The following KLRG1 variants were observed in gnomAD, a reference collection of about 807,000 sequenced individuals.
The protein encoded by KLRG1 is killer cell lectin like receptor G1.
In KLRG1, 16 loss-of-function variants were observed where a neutral mutation model predicts 21.8. The observed-to-expected ratio is 0.73, with a 90% CI of 0.50 to 1.11. The LOEUF (loss-of-function observed/expected upper bound fraction) is 1.11, where lower values mean the gene tolerates loss of function less well. KLRG1 is among the 50% of genes most tolerant of loss of function. KLRG1 has a pLI of 0.00. For missense variants in KLRG1, 173 were observed against 218.3 expected (o/e 0.79, Z 1.31); for synonymous variants, 69 against 75.9 (o/e 0.91, Z 0.47).
the KLRG1 span, chr12:9,153,451 C>T: frequency 1.3e-6 from 1 of 783,522 alleles, no homozygotes; most frequent in Non-Finnish European, 2.0e-6. Context: ...CTTTTTACCC[C>T]TAAGGTAGAT....
At chr12:9,115,827 TGAA>T in the KLRG1 span, 1 of 1,613,414 alleles carries the variant, frequency 6.2e-7, no homozygotes, top group Non-Finnish European at 8.5e-7. Context: ...CAGACTTGGA[TGAA>T]GGAGTTTGTT....
chr12:8,956,120 C>T (rs1946288390), intron 1 of KLRG1, among the ~76,000 whole-genome samples: 1 of 152,186 alleles, frequency 6.6e-6, no homozygotes, highest in Non-Finnish European at 1.5e-5. Flanking sequence ...AGTGTAACCT[C>T]ATTCTTCTTG....
At chr12:9,203,712 T>C in the KLRG1 span, 104 of 1,585,224 alleles carry the variant, frequency 6.6e-5, no homozygotes, top group East Asian at 2.1e-3. Flanking sequence ...CCATGACCTA[T>C]AGAGCTCAAT....
intron 1 of KLRG1, among the ~76,000 whole-genome samples, chr12:8,957,976 T>G (rs1946322797): frequency 6.6e-6 from 1 of 152,228 alleles, no homozygotes; most frequent in Non-Finnish European, 1.5e-5. Flanking sequence ...GTATTTCTCA[T>G]CTTATTCATT....
At chr12:9,149,077 T>C in the KLRG1 span, 1 of 1,294,804 alleles carries the variant, frequency 7.7e-7, no homozygotes, top group Admixed American at 1.7e-5. Flanking sequence ...AGTGAGCTTA[T>C]GCAGGGTCAG....
At chr12:8,956,170 G>A (rs1249138162) in intron 1 of KLRG1, among the ~76,000 whole-genome samples, 1 of 152,224 alleles carries the variant, frequency 6.6e-6, no homozygotes. Flanking sequence ...AACAGCGGGT[G>A]CAAAAGAACA....
At chr12:9,094,097 A>T in the KLRG1 span, among the ~76,000 whole-genome samples, 12 of 151,978 alleles carry the variant, frequency 7.9e-5, no homozygotes, top group Admixed American at 7.9e-4. Flanking sequence ...GGCCGTGAAG[A>T]GGGGCAGGAA....
intron 1 of KLRG1, among the ~76,000 whole-genome samples, chr12:8,971,989 T>C (rs1309343051): frequency 2.6e-5 from 4 of 152,246 alleles, no homozygotes; most frequent in African/African-American, 9.6e-5. Flanking sequence ...TCCTTTGCAG[T>C]GCAGAAGCTT....
chr12:9,043,347 G>A, the KLRG1 span, among the ~76,000 whole-genome samples: 9 of 152,194 alleles, frequency 5.9e-5, no homozygotes, highest in East Asian at 1.7e-3. Context: ...CAAAGTGTTG[G>A]GATTACAGGC....
the KLRG1 span, chr12:9,079,711 G>A: frequency 6.8e-6 from 11 of 1,613,560 alleles, no homozygotes; most frequent in African/African-American, 1.3e-5. Context: ...AGATAATCCA[G>A]TACATAGATG....
chr12:9,071,256 A>C, the KLRG1 span, among the ~76,000 whole-genome samples: 2 of 152,168 alleles, frequency 1.3e-5, no homozygotes, highest in South Asian at 4.1e-4. Flanking sequence ...ATGAATAATA[A>C]ATTTCAGTCT....
At chr12:9,179,386 A>C in the KLRG1 span, among the ~76,000 whole-genome samples, 1 of 152,190 alleles carries the variant, frequency 6.6e-6, no homozygotes, top group South Asian at 2.1e-4. Context: ...TCCAGCATGT[A>C]GTAAGCTTGA....
chr12:9,132,647 C>A, the KLRG1 span, among the ~76,000 whole-genome samples: 1 of 150,804 alleles, frequency 6.6e-6, no homozygotes, highest in African/African-American at 2.4e-5. Flanking sequence ...AAATGAGGGC[C>A]CAAAGTAAGA....
At chr12:9,091,401 T>C in the KLRG1 span, 4 of 1,614,182 alleles carry the variant, frequency 2.5e-6, no homozygotes, top group Admixed American at 5.0e-5. Context: ...TCAGGGACTG[T>C]TACTCCTACC....
At chr12:9,148,710 C>A in the KLRG1 span, 2 of 407,662 alleles carry the variant, frequency 4.9e-6, no homozygotes, top group Non-Finnish European at 4.3e-6. Flanking sequence ...CCTGCAACCT[C>A]CACTCTGCTT....
At chr12:8,986,639 T>C (rs1946845879), upstream of KLRG1, among the ~76,000 whole-genome samples, 1 of 152,082 alleles carries the variant, frequency 6.6e-6, no homozygotes. Context: ...CAAGCTTATT[T>C]TGTACTTTCC....
the KLRG1 span, among the ~76,000 whole-genome samples, chr12:9,098,132 C>T: frequency 2.0e-3 from 301 of 152,226 alleles, 10 homozygotes; most frequent in South Asian, 0.054. Context: ...AATTTTCGAA[C>T]GGCTTCCCCG....
chr12:9,181,179 T>A, the KLRG1 span: 1 of 1,612,570 alleles, frequency 6.2e-7, no homozygotes, highest in Non-Finnish European at 8.5e-7. Context: ...CCTACTTCTG[T>A]GATCTTGCAG....
chr12:9,093,234 T>C, the KLRG1 span, among the ~76,000 whole-genome samples: 1 of 152,200 alleles, frequency 6.6e-6, no homozygotes, highest in African/African-American at 2.4e-5. Context: ...GGATAGATTT[T>C]AGGTGTGCTT....
Sources: allele counts gnomAD v4.1 joint callset (sites outside exome capture counted in the v4.1 genomes callset), GRCh38; gene constraint gnomAD v4.1.1; transcripts MANE v1.5; gene names NCBI Gene and HGNC (gene_info 2026-07-23, HGNC 2026-07-21).